The following ZNF341 variants were observed in gnomAD, a reference collection of about 807,000 sequenced individuals.
ZNF341 encodes zinc finger protein 341.
Under a neutral mutation model 87.7 loss-of-function variants are expected in ZNF341, and 52 were observed. The observed-to-expected ratio is 0.59, with a 90% CI of 0.47 to 0.75. The LOEUF (loss-of-function observed/expected upper bound fraction) is 0.75. ZNF341 is among the 30% of genes least tolerant of loss of function. The pLI is 0.00. For missense variants in ZNF341, 977 were observed against 1,145.9 expected, an observed-to-expected ratio of 0.85 and a Z score of 2.13; for synonymous variants, 459 against 472.7, an observed-to-expected ratio of 0.97 and a Z score of 0.38.
intron 4 of ZNF341, among the ~76,000 whole-genome samples, chr20:33,750,570 C>T (rs2019034232): frequency 1.3e-5 from 2 of 152,088 alleles, no homozygotes; most frequent in Admixed American, 1.3e-4. Flanking sequence ...CTCAAGCAAT[C>T]CTCCCTGCTC....
chr20:33,763,413 C>T (rs535365255), intron 8 of ZNF341, among the ~76,000 whole-genome samples: 1 of 152,140 alleles, frequency 6.6e-6, no homozygotes, highest in East Asian at 1.9e-4. Flanking sequence ...ATCCTCCTGC[C>T]TTAGCCTCCC....
intron 10 of ZNF341, 51 bp downstream of exon 10, chr20:33,770,343 G>GGGGGGCGGGC: frequency 2.0e-6 from 1 of 511,254 alleles, no homozygotes; most frequent in East Asian, 5.9e-5. Flanking sequence ...GGTGGGCAGG[G>GGGGGGCGGGC]AGCCCAGGGC....
chr20:33,741,638 A>C (rs2018806078), intron 2 of ZNF341, among the ~76,000 whole-genome samples: 1 of 152,016 alleles, frequency 6.6e-6, no homozygotes, highest in South Asian at 2.1e-4. Context: ...CGCCTGACCT[A>C]AGGTGATCTG....
chr20:33,772,010 T>TAAAAAAAAAAGAA (rs2019542575), intron 10 of ZNF341, among the ~76,000 whole-genome samples: 1 of 56,168 alleles, frequency 1.8e-5, no homozygotes, highest in Non-Finnish European at 3.1e-5. Flanking sequence ...ACGCTTGTCT[T>TAAAAAAAAAAGAA]AAAAAAAAAA....
At chr20:33,746,694 A>G (rs2018932704) in intron 3 of ZNF341, among the ~76,000 whole-genome samples, 1 of 152,180 alleles carries the variant, frequency 6.6e-6, no homozygotes, top group Non-Finnish European at 1.5e-5. Flanking sequence ...CTGTAGTGCA[A>G]ATCCAGGCAG....
At chr20:33,765,520 C>G (rs953750585) in intron 8 of ZNF341, among the ~76,000 whole-genome samples, 7 of 151,724 alleles carry the variant, frequency 4.6e-5, no homozygotes, top group African/African-American at 1.7e-4. Flanking sequence ...GTGGGACCAC[C>G]GACACATGCA....
Position 33,791,077 on chromosome 20 carries a change from T to C in ZNF341, c.2125T>C (p.Tyr709His). ...GCATCAGCGCGCCCACACGGGCAAC[T>C]ACAAGTTCCGCTGTGCTGGCTGCGC... ...AEHQRAHTGN[Y>H]KFRCAGCAKG... is the part of the protein sequence containing the mutation. The change falls in exon 15 of 15, where the codon TAC (tyrosine) becomes CAC (histidine). Residue 709 changes from tyrosine to histidine, a missense_variant. Physicochemically the swap from Tyr to His is moderately conservative, Grantham distance 83 (BLOSUM62 2). Transcript: ENST00000375200. 5 of 1,613,280 alleles carry C rather than the reference T, an allele frequency of 3.1e-6. No homozygotes were observed. The South Asian group carries it at 4.4e-5, about 14-fold the overall frequency.
Position 33,791,376 on chromosome 20 carries a change from G to A in ZNF341, c.2424G>A (p.Ala808=), listed in dbSNP as rs140566101. ...DAVLSIVVGG[A]VGAETELVVP... is the part of the protein sequence containing the mutation. The stretch of plus-strand genomic sequence containing the variant: ...TGCTGTCCATCGTTGTGGGTGGTGC[G>A]GTGGGCGCGGAAACTGAGCTGGTGG... The change falls in exon 15 of 15, where the codon GCG becomes GCA. Residue 808 remains alanine, a synonymous_variant. Coordinates refer to ENST00000375200, the MANE Select transcript of ZNF341 (RefSeq NM_001282933.2). 1.2e-5 allele frequency: 20 copies of A among 1,612,536 alleles called. No individual in the cohort carries two copies. Among genetic ancestry groups the A allele is most frequent in the South Asian group, 7.7e-5 (7 of 91,026 alleles).
chr20:33,750,803 G>C (rs2019039637), intron 4 of ZNF341, among the ~76,000 whole-genome samples: 1 of 152,106 alleles, frequency 6.6e-6, no homozygotes, highest in Non-Finnish European at 1.5e-5. Flanking sequence ...ACCATGTCTG[G>C]CTAATTTTTG....
intron 10 of ZNF341, among the ~76,000 whole-genome samples, chr20:33,780,403 CT>C (rs879684456): frequency 1.1e-3 from 166 of 146,298 alleles, no homozygotes; most frequent in Non-Finnish European, 1.4e-3. Flanking sequence ...GTCTGACTTA[CT>C]TTTTTTTTTT....
In ZNF341 at chr20:33,775,371, C is replaced by G. The variant is rs965024177; in HGVS notation, c.1622+5079C>G. Among the ~76,000 whole-genome samples the G allele has an allele frequency of 4.0e-5, 6 of 151,896 alleles. No homozygotes were observed. In the South Asian group the frequency reaches 1.2e-3, roughly 32 times the overall value. Reference sequence around the variant, plus strand: ...ACTACAAGGCACCTGCCACCATGCCCCGCTAATTTTTTGTATTTTTAGTAG... The same window carrying G: ...ACTACAAGGCACCTGCCACCATGCCGCGCTAATTTTTTGTATTTTTAGTAG... On this transcript the variant is annotated intron_variant, in intron 10 of 14. Coordinates refer to ENST00000375200, the MANE Select transcript of ZNF341 (RefSeq NM_001282933.2).
intron 4 of ZNF341, chr20:33,752,118 C>T (rs67829698): frequency 3.3e-4 from 110 of 330,374 alleles, no homozygotes; most frequent in Admixed American, 1.7e-3. Flanking sequence ...GCCCCCCCCC[C>T]TTTTTTTTTA....
Position 33,732,012 on chromosome 20 carries a change from C to A in ZNF341, c.-10C>A. 7.0e-7 allele frequency: 1 copy of A among 1,430,196 alleles called. No homozygotes were observed. Among genetic ancestry groups the A allele is most frequent in the Admixed American group, 2.8e-5 (1 of 35,770 alleles). The allele number at this position is 1,430,196 out of a possible 1,614,324, so 88.6% of individuals were successfully genotyped here. Reference sequence around the variant, plus strand: ...TCGGTTCCTGTGGCGGCGACGGCGGCGGCTCCAAGATGGCGCAGGCGATCT... The same window carrying A: ...TCGGTTCCTGTGGCGGCGACGGCGGAGGCTCCAAGATGGCGCAGGCGATCT... On this transcript the variant is annotated 5_prime_UTR_variant, in exon 1 of 15. Transcript: ENST00000375200. The surrounding 1 kb of genome is among the most constrained non-coding windows in gnomAD (Gnocchi z 4.5).
intron 12 of ZNF341, among the ~76,000 whole-genome samples, chr20:33,784,135 T>G (rs1401552158): frequency 1.7e-4 from 10 of 58,164 alleles, no homozygotes; most frequent in Non-Finnish European, 2.9e-4. Flanking sequence ...CTCCCTCCTC[T>G]TCCCCATTTC....
At chr20:33,740,844 T>A in intron 1 of ZNF341, 58 bp from the exon 2 acceptor site, 5 of 1,515,470 alleles carry the variant, frequency 3.3e-6, no homozygotes, top group Non-Finnish European at 4.6e-6. Flanking sequence ...CTTGTAAGGG[T>A]GATGTCAGAG....
chr20:33,740,855 C>A (rs2018783586), intron 1 of ZNF341, 47 bp from the exon 2 acceptor site: 1 of 1,564,606 alleles, frequency 6.4e-7, no homozygotes, highest in Non-Finnish European at 8.8e-7. Flanking sequence ...GATGTCAGAG[C>A]ATGATGCTGG....
intron 1 of ZNF341, among the ~76,000 whole-genome samples, chr20:33,733,926 G>C (rs1008092495): frequency 6.6e-6 from 1 of 152,242 alleles, no homozygotes; most frequent in Non-Finnish European, 1.5e-5. Flanking sequence ...AGCAGGAGGT[G>C]GTGGATCAGG....
chr20:33,778,465 C>T (rs1226566973), intron 10 of ZNF341, among the ~76,000 whole-genome samples: 1 of 152,092 alleles, frequency 6.6e-6, no homozygotes, highest in East Asian at 1.9e-4. Context: ...TGTGAGCCAC[C>T]ACACCTGGCT....
At chr20:33,736,537 T>C (rs959477366) in intron 1 of ZNF341, among the ~76,000 whole-genome samples, 2 of 152,164 alleles carry the variant, frequency 1.3e-5, no homozygotes, top group African/African-American at 4.8e-5. Flanking sequence ...TTGCCCAGGC[T>C]GGAGTGCAGT....
Sources: allele counts gnomAD v4.1 joint callset (sites outside exome capture counted in the v4.1 genomes callset), GRCh38; gene constraint gnomAD v4.1.1; non-coding constraint Gnocchi (gnomAD v3.1); transcripts MANE v1.5; gene names NCBI Gene and HGNC (gene_info 2026-07-23, HGNC 2026-07-21).